RAD54B: variants seen among roughly 807,000 people sequenced by gnomAD.
The protein encoded by RAD54B is RAD54 homolog B.
Under a neutral mutation model 95.8 loss-of-function variants are expected in RAD54B, and 78 were observed. The ratio of observed to expected loss-of-function variants is 0.81; its 90% CI spans 0.68 to 0.98. The LOEUF (loss-of-function observed/expected upper bound fraction) is 0.98. Among genes scored for constraint, RAD54B ranks in the 50% least tolerant of loss-of-function variants. The pLI, the probability that RAD54B is intolerant of heterozygous loss-of-function variation, is 0.00. For missense variants in RAD54B, 957 were observed against 1,056.6 expected (o/e 0.91, Z 1.31); for synonymous variants, 328 against 354.9 (o/e 0.92, Z 0.85).
rs938181115 is a variant in RAD54B, at chr8:94,432,210, A to G, written c.305-20895T>C. 7.7e-6 allele frequency: 12 copies of G among 1,550,284 alleles called. No homozygotes were observed. The Admixed American group carries it at 2.2e-4, about 28-fold the overall frequency. On this transcript the variant is annotated intron_variant, in intron 3 of 14. Transcript: ENST00000336148. ...CTCCACTTCAATTTTTGCTCTTAGT[A>G]GCTCTTCCTCTAGCTGCTGCCTTCT...
intron 1 of RAD54B, among the ~76,000 whole-genome samples, chr8:94,474,723 GGCCCCAGGGGCCACT>G (rs945116192): frequency 1.2e-4 from 19 of 152,240 alleles, no homozygotes; most frequent in African/African-American, 4.6e-4. Flanking sequence ...CCGCAGTGGC[GGCCCCAGGGGCCACT>G]GCCCAGAACC....
At chr8:94,470,798 ATCAATTACAGTAGG>A in intron 1 of RAD54B, among the ~76,000 whole-genome samples, 1 of 152,036 alleles carries the variant, frequency 6.6e-6, no homozygotes. Flanking sequence ...TGATGCTAGT[ATCAATTACAGTAGG>A]GGGAAAAAGG....
At chr8:94,392,626 T>TCA (rs1811048351) in intron 9 of RAD54B, among the ~76,000 whole-genome samples, 1 of 149,182 alleles carries the variant, frequency 6.7e-6, no homozygotes, top group Admixed American at 6.7e-5. Context: ...AAACAGAGTC[T>TCA]CACTCTGTCG....
chr8:94,399,729 CTCTT>C, intron 7 of RAD54B, 108 bp from the exon 8 acceptor site: 2 of 1,372,112 alleles, frequency 1.5e-6, no homozygotes, highest in Non-Finnish European at 1.9e-6. Flanking sequence ...AATGTGTTAA[CTCTT>C]TCTGTCTTAG....
intron 8 of RAD54B, among the ~76,000 whole-genome samples, chr8:94,398,438 T>C (rs1231466421): frequency 6.6e-6 from 1 of 152,036 alleles, no homozygotes; most frequent in Non-Finnish European, 1.5e-5. Flanking sequence ...GGGGCATATT[T>C]CCACCCTATC....
chr8:94,427,298 T>A (rs1811966789), intron 3 of RAD54B, among the ~76,000 whole-genome samples: 1 of 152,034 alleles, frequency 6.6e-6, no homozygotes, highest in Non-Finnish European at 1.5e-5. Flanking sequence ...AATTGGAAAC[T>A]AAAAATAAAT....
In RAD54B at chr8:94,407,623, T is replaced by C; in HGVS notation, c.597A>G (p.Pro199=). 6.2e-7 allele frequency: 1 copy of C among 1,614,056 alleles called. No homozygotes were observed. Residue 199 remains proline, a synonymous_variant, in exon 5 of 15, where the codon CCA becomes CCG. Coordinates refer to ENST00000336148, the MANE Select transcript of RAD54B (RefSeq NM_012415.3). The stretch of plus-strand genomic sequence containing the variant: ...AACACCTGCCACTGCTGAAGTCATC[T>C]GGAGAGATTACACCCATGACTTCTA... ...KEIEVMGVIS[P]DDFSSGRCFQ...
At chr8:94,445,018 C>G (rs1812487408) in intron 3 of RAD54B, among the ~76,000 whole-genome samples, 1 of 152,180 alleles carries the variant, frequency 6.6e-6, no homozygotes. Context: ...CTATCTTAGC[C>G]TGGAGCTGCT....
At chr8:94,405,006 G>A (rs917315296) in intron 5 of RAD54B, among the ~76,000 whole-genome samples, 13 of 151,988 alleles carry the variant, frequency 8.6e-5, no homozygotes, top group Non-Finnish European at 5.9e-5. Context: ...CAGAGGCAAG[G>A]TTTCACCATG....
In RAD54B at chr8:94,411,161, T is replaced by C. The variant is rs1811517590; in HGVS notation, c.459A>G (p.Ser153=). Residue 153 remains serine, a synonymous_variant, in exon 4 of 15, where the codon TCA becomes TCG. Coordinates refer to ENST00000336148, the MANE Select transcript of RAD54B (RefSeq NM_012415.3). ...TGCCTTCCAAATTCTTTAATATAAA[T>C]GACTTTCCTTTTACAATAAGAACAG... ...GDAVLIVKGK[S]FILKNLEGKD... The C allele has an allele frequency of 6.2e-7, 1 of 1,610,542 alleles. No homozygotes were observed. Among genetic ancestry groups the C allele is most frequent in the East Asian group, 2.2e-5 (1 of 44,672 alleles).
chr8:94,422,617 AATAT>A (rs1166692675), intron 3 of RAD54B, among the ~76,000 whole-genome samples: 2,543 of 43,426 alleles, frequency 0.059, 127 homozygotes, highest in African/African-American at 0.074. Context: ...AAAAAAAAAA[AATAT>A]ATATATATAT....
At chr8:94,470,227 G>A (rs377451261) in intron 1 of RAD54B, among the ~76,000 whole-genome samples, 4 of 152,240 alleles carry the variant, frequency 2.6e-5, no homozygotes, top group East Asian at 1.9e-4. Flanking sequence ...TCAGGAGGCC[G>A]AGGCAGGTGG....
At chr8:94,458,966 GA>G (rs1812839252) in intron 2 of RAD54B, among the ~76,000 whole-genome samples, 1 of 152,024 alleles carries the variant, frequency 6.6e-6, no homozygotes, top group Non-Finnish European at 1.5e-5. Context: ...ATGACAGAAT[GA>G]AAAATTATGC....
intron 2 of RAD54B, among the ~76,000 whole-genome samples, chr8:94,460,638 C>T (rs939767799): frequency 6.6e-6 from 1 of 152,176 alleles, no homozygotes; most frequent in African/African-American, 2.4e-5. Context: ...TTGAACAACA[C>T]AAATTTATCA....
chr8:94,375,731 G>A (rs2046665), intron 14 of RAD54B, among the ~76,000 whole-genome samples: 72,102 of 151,942 alleles, frequency 0.47, 18,321 homozygotes, highest in Non-Finnish European at 0.59. Context: ...CTCAAGATAC[G>A]CTACTGAGTG....
intron 3 of RAD54B, among the ~76,000 whole-genome samples, chr8:94,451,985 T>C (rs1486772183): frequency 2.6e-5 from 4 of 152,200 alleles, no homozygotes; most frequent in Non-Finnish European, 4.4e-5. Context: ...TAGAAATGTA[T>C]TTCCCACAGA....
chr8:94,416,781 T>A (rs1225175728), intron 3 of RAD54B, among the ~76,000 whole-genome samples: 1 of 152,130 alleles, frequency 6.6e-6, no homozygotes, highest in African/African-American at 2.4e-5. Flanking sequence ...ACCCTGCTGG[T>A]AGGAGTATAA....
Position 94,392,395 on chromosome 8 carries a change from G to T in RAD54B, c.1519-496C>A, listed in dbSNP as rs527966901. ...TCTTGCCTCAGCCTCCTGAGTAGCT[G>T]GGATTACAGGCACACACCACTATAT... On this transcript the variant is annotated intron_variant, in intron 9 of 14. Coordinates refer to ENST00000336148, the MANE Select transcript of RAD54B (RefSeq NM_012415.3). 9.9e-5 allele frequency among the ~76,000 whole-genome samples: 15 copies of T among 152,018 alleles called. No homozygotes were observed. In the South Asian group the frequency reaches 2.9e-3, roughly 29 times the overall value.
At position 94,378,209 on chromosome 8, in the gene RAD54B, C is replaced by T. The variant is rs1341185068; in HGVS notation, c.2486G>A (p.Cys829Tyr). ...SDCVTHDLLD[C>Y]ECTGEEVHTG... ...ATGAACTTCTTCTCCTGTACACTCA[C>T]AGTCAAGCAGATCATGAGTAACACA... Residue 829 changes from cysteine (C) to tyrosine (Y), a missense_variant, in exon 14 of 15, where the codon TGT becomes TAT. By Grantham distance (194) the Cys-to-Tyr change is radical. Coordinates refer to ENST00000336148, the MANE Select transcript of RAD54B (RefSeq NM_012415.3). The T allele has an allele frequency of 3.1e-6, 5 of 1,611,934 alleles. No individual in the cohort carries two copies. Among genetic ancestry groups the T allele is most frequent in the Non-Finnish European group, 4.2e-6 (5 of 1,179,334 alleles).
Sources: gnomAD v4.1 joint callset for allele counts (sites outside exome capture counted in the v4.1 genomes callset) on GRCh38, gnomAD v4.1.1 for gene constraint, MANE v1.5 for transcripts, NCBI Gene and HGNC (gene_info 2026-07-23, HGNC 2026-07-21) for gene names.